The following PLCE1 variants were observed in gnomAD, a reference collection of about 807,000 sequenced individuals.
The protein encoded by PLCE1 is phospholipase C epsilon 1.
A neutral mutation model predicts 242.8 loss-of-function variants in PLCE1; 119 were observed. The ratio of observed to expected loss-of-function variants is 0.49; its 90% CI spans 0.42 to 0.57. PLCE1 has a LOEUF of 0.57. PLCE1 is among the 20% of genes least tolerant of loss of function. The probability of loss-of-function intolerance (pLI) is 0.00; values close to 1 mark genes in which losing one functional copy is unlikely to be tolerated. For synonymous variants in PLCE1, 945 were observed against 1,017.4 expected (o/e 0.93, Z 1.35); for missense variants, 2,441 against 2,788.8 (o/e 0.88, Z 2.81).
chr10:94,153,930 G>T (rs769482818), intron 3 of PLCE1, among the ~76,000 whole-genome samples: 116 of 152,306 alleles, frequency 7.6e-4, no homozygotes, highest in Admixed American at 2.9e-3. Context: ...ATTTAGCATT[G>T]TTCAAATGGC....
chr10:94,295,938 C>T (rs923294182), intron 23 of PLCE1, among the ~76,000 whole-genome samples: 6 of 152,174 alleles, frequency 3.9e-5, no homozygotes, highest in African/African-American at 4.8e-5. Flanking sequence ...AACTTCAAGT[C>T]GCCAGCTGCA....
chr10:94,262,370 G>T, intron 13 of PLCE1, 124 bp from the exon 14 acceptor site: 1 of 780,756 alleles, frequency 1.3e-6, no homozygotes, highest in Non-Finnish European at 2.4e-6. Flanking sequence ...CTTCTTTGAT[G>T]GCTTGTTTAG....
chr10:94,279,600 C>T (rs1160447363), intron 19 of PLCE1, 182 bp from the exon 20 acceptor site: 6 of 649,888 alleles, frequency 9.2e-6, no homozygotes, highest in South Asian at 9.2e-5. Flanking sequence ...GGAATGCTAA[C>T]GTTCACCCAA....
At chr10:94,295,004 C>G (rs1589493933) in intron 23 of PLCE1, among the ~76,000 whole-genome samples, 1 of 151,088 alleles carries the variant, frequency 6.6e-6, no homozygotes, top group Middle Eastern at 3.4e-3. Flanking sequence ...CAAGCTCCAC[C>G]TCCCGGGTTC....
intron 11 of PLCE1, 50 bp downstream of exon 11, chr10:94,255,099 T>G: frequency 1.9e-6 from 3 of 1,572,954 alleles, no homozygotes; most frequent in Non-Finnish European, 2.6e-6. Flanking sequence ...TTATTCCAGT[T>G]GTGTGGAAGG....
chr10:94,221,733 TA>T (rs1554887380), intron 4 of PLCE1, among the ~76,000 whole-genome samples: 1 of 150,532 alleles, frequency 6.6e-6, no homozygotes, highest in Non-Finnish European at 1.5e-5. Flanking sequence ...AAGTTCTGTC[TA>T]AAAAAAAAGA....
At chr10:94,209,625 A>G (rs927119231) in intron 4 of PLCE1, among the ~76,000 whole-genome samples, 5 of 152,220 alleles carry the variant, frequency 3.3e-5, no homozygotes, top group African/African-American at 9.7e-5. Context: ...TGTTCTATGA[A>G]TGAATATAAG....
intron 1 of PLCE1, among the ~76,000 whole-genome samples, chr10:94,007,699 C>CTT (rs80098906): frequency 0.027 from 1,736 of 64,070 alleles, 67 homozygotes; most frequent in African/African-American, 0.057. Context: ...AGCCTACTTT[C>CTT]TTTTTTTTTT....
intron 11 of PLCE1, 59 bp from the exon 12 acceptor site, chr10:94,258,741 G>A: frequency 6.2e-7 from 1 of 1,611,024 alleles, no homozygotes; most frequent in Non-Finnish European, 8.5e-7. Flanking sequence ...AAGTCTGGTG[G>A]GACAGAATCA....
At chr10:94,122,337 T>TA (rs1026598047) in intron 2 of PLCE1, among the ~76,000 whole-genome samples, 3 of 152,224 alleles carry the variant, frequency 2.0e-5, no homozygotes. Flanking sequence ...ATCACAATCC[T>TA]AAAAACATAA....
At chr10:94,089,491 G>A in intron 2 of PLCE1, 1 of 685,290 alleles carries the variant, frequency 1.5e-6, no homozygotes, top group Non-Finnish European at 2.2e-6. Context: ...ATTCCTCTGA[G>A]ACATTTTACA....
At chr10:94,137,951 A>G in intron 3 of PLCE1, 1 of 395,894 alleles carries the variant, frequency 2.5e-6, no homozygotes, top group Non-Finnish European at 5.0e-6. Context: ...TGATGACTAC[A>G]TTAAATCCTT....
chr10:94,046,000 G>A (rs568469691), intron 2 of PLCE1, among the ~76,000 whole-genome samples: 22 of 151,946 alleles, frequency 1.4e-4, no homozygotes, highest in Non-Finnish European at 2.9e-4. Context: ...CTTAGTTGGT[G>A]CATAGTTTCT....
intron 30 of PLCE1, 90 bp downstream of exon 30, chr10:94,322,149 T>A: frequency 8.0e-7 from 1 of 1,255,476 alleles, no homozygotes; most frequent in Non-Finnish European, 1.2e-6. Context: ...ATTTTATGAG[T>A]GAAGTTCCTC....
chr10:94,232,842 C>A (rs542664816), intron 5 of PLCE1, among the ~76,000 whole-genome samples: 1 of 152,226 alleles, frequency 6.6e-6, no homozygotes, highest in Non-Finnish European at 1.5e-5. Flanking sequence ...GGAATCCTCT[C>A]TCCCTTTGCC....
At chr10:94,204,016 C>T (rs1164368742) in intron 4 of PLCE1, among the ~76,000 whole-genome samples, 1 of 152,120 alleles carries the variant, frequency 6.6e-6, no homozygotes, top group Non-Finnish European at 1.5e-5. Flanking sequence ...AAAATATCAG[C>T]ATTGGACTCT....
At chr10:94,122,195 A>T (rs2046320226) in intron 2 of PLCE1, among the ~76,000 whole-genome samples, 1 of 152,146 alleles carries the variant, frequency 6.6e-6, no homozygotes, top group Non-Finnish European at 1.5e-5. Context: ...GGATTTGTGA[A>T]AATTTGGTTT....
intron 4 of PLCE1, among the ~76,000 whole-genome samples, chr10:94,185,518 G>A (rs2048448000): frequency 6.6e-6 from 1 of 152,062 alleles, no homozygotes; most frequent in Admixed American, 6.6e-5. Flanking sequence ...AAATGTCTGG[G>A]CATGAACATG....
intron 1 of PLCE1, among the ~76,000 whole-genome samples, 153 bp downstream of exon 1, chr10:93,994,411 C>A (rs913164908): frequency 3.3e-5 from 5 of 152,274 alleles, no homozygotes; most frequent in African/African-American, 1.2e-4. Flanking sequence ...GGACCCGAGG[C>A]GGGCGGTCCT....
Sources: allele counts gnomAD v4.1 joint callset (sites outside exome capture counted in the v4.1 genomes callset), GRCh38; gene constraint gnomAD v4.1.1; transcripts MANE v1.5; gene names NCBI Gene and HGNC (gene_info 2026-07-23, HGNC 2026-07-21).